FBXO28: variants seen among roughly 807,000 people sequenced by gnomAD.
FBXO28 encodes the protein F-box protein 28, also known as F-box only protein 28.
A neutral mutation model predicts 38.1 loss-of-function variants in FBXO28; 8 were observed. The ratio of observed to expected loss-of-function variants is 0.21; its 90% CI spans 0.12 to 0.38. The LOEUF is 0.38. Among genes scored for constraint, FBXO28 ranks in the 10% least tolerant of loss-of-function variants. The probability of loss-of-function intolerance (pLI) is 1.00; values close to 1 mark genes in which losing one functional copy is unlikely to be tolerated. For missense variants in FBXO28, 345 were observed against 460.6 expected (o/e 0.75, Z 2.30); for synonymous variants, 168 against 173.8 (o/e 0.97, Z 0.26).
chr1:224,143,554 G>A lies in FBXO28; in HGVS notation c.516+9342G>A, dbSNP rs1230743793. 2.0e-5 allele frequency among the ~76,000 whole-genome samples: 3 copies of A among 152,346 alleles called. No homozygotes were observed. In the East Asian group the frequency reaches 5.8e-4, roughly 29 times the overall value. Reference sequence around the variant, plus strand: ...AAAATGAATGAATAGGACGGGTGTGGTGGCTCACGCCTGTAATCCCAACAC... The same window carrying A: ...AAAATGAATGAATAGGACGGGTGTGATGGCTCACGCCTGTAATCCCAACAC... On this transcript the variant is annotated intron_variant, in intron 3 of 4. Coordinates refer to ENST00000366862, the MANE Select transcript of FBXO28 (RefSeq NM_015176.4).
At chr1:224,140,289 G>A (rs1657312575) in intron 3 of FBXO28, among the ~76,000 whole-genome samples, 1 of 152,028 alleles carries the variant, frequency 6.6e-6, no homozygotes, top group South Asian at 2.1e-4. Context: ...TCATATTCAA[G>A]TTTCATCACA....
In FBXO28 at chr1:224,160,259, ACCT is replaced by A. The variant is rs1408277699; in HGVS notation, c.*2517_*2519del. 1.3e-5 allele frequency: 2 copies of A among 152,242 alleles called. No homozygotes were observed. Among genetic ancestry groups the A allele is most frequent in the Non-Finnish European group, 2.9e-5 (2 of 68,022 alleles). 9.4% of individuals were successfully genotyped at this position (152,242 alleles called of 1,614,324 possible). On this transcript the variant is annotated 3_prime_UTR_variant, in exon 5 of 5. Transcript: ENST00000366862. ...TATGTTACAAGAAAACTGTAAATTA[ACCT>A]CCTGAGAGAACCATTCTGCCCTGCA...
chr1:224,153,748 C>T (rs1657700530), intron 4 of FBXO28, among the ~76,000 whole-genome samples: 1 of 151,724 alleles, frequency 6.6e-6, no homozygotes, highest in Non-Finnish European at 1.5e-5. Context: ...TGGTGAAACC[C>T]CGTATCTACT....
In FBXO28 at chr1:224,159,499, G is replaced by A. The variant is rs1657847088; in HGVS notation, c.*1753G>A. ...ATAAAGTAACATCCAAGTGTTTCATGGTTTGTTGGGAAGGTAATTTTAAAA... is the reference window on the plus strand; with the variant it reads ...ATAAAGTAACATCCAAGTGTTTCATAGTTTGTTGGGAAGGTAATTTTAAAA... On this transcript the variant is annotated 3_prime_UTR_variant, in exon 5 of 5. Coordinates refer to ENST00000366862, the MANE Select transcript of FBXO28 (RefSeq NM_015176.4). 6.6e-6 allele frequency: 1 copy of A among 152,526 alleles called. No homozygotes were observed. Among genetic ancestry groups the A allele is most frequent in the Non-Finnish European group, 1.5e-5 (1 of 68,030 alleles). The allele number at this position is 152,526 out of a possible 1,614,324, so 9.4% of individuals were successfully genotyped here. A position where few individuals can be genotyped will look rare whatever the true frequency, so the allele number is the denominator to read the frequency against.
At chr1:224,150,920 A>G (rs1166322523) in intron 3 of FBXO28, among the ~76,000 whole-genome samples, 2 of 152,164 alleles carry the variant, frequency 1.3e-5, no homozygotes, top group Non-Finnish European at 1.5e-5. Flanking sequence ...TTACTCCAGT[A>G]CTTTGAAAAG....
chr1:224,154,223 C>T (rs560807584), intron 4 of FBXO28, among the ~76,000 whole-genome samples: 17 of 152,324 alleles, frequency 1.1e-4, no homozygotes, highest in Non-Finnish European at 1.5e-4. Flanking sequence ...GCAAAATTAT[C>T]TAGCAAAGCC....
chr1:224,156,958 C>T (rs1164020806), intron 4 of FBXO28, among the ~76,000 whole-genome samples: 4 of 150,714 alleles, frequency 2.7e-5, no homozygotes, highest in East Asian at 3.9e-4. Flanking sequence ...GCCGAGATCA[C>T]GCCACTGCAC....
At chr1:224,151,138 G>A (rs1483040963) in intron 3 of FBXO28, among the ~76,000 whole-genome samples, 1 of 152,146 alleles carries the variant, frequency 6.6e-6, no homozygotes, top group Non-Finnish European at 1.5e-5. Flanking sequence ...TAGTAATATT[G>A]CCAGAAATAA....
chr1:224,132,694 T>G (rs1477132718), intron 2 of FBXO28, among the ~76,000 whole-genome samples: 1 of 151,532 alleles, frequency 6.6e-6, no homozygotes, highest in East Asian at 1.9e-4. Flanking sequence ...AATCCCAGCT[T>G]CTTAGGAGGC....
rs1249465383 is a variant in FBXO28 at position 224,157,572 on chromosome 1, T to C, written c.933T>C (p.Gly311=). The C allele has an allele frequency of 6.2e-7, 1 of 1,614,066 alleles. No individual in the cohort carries two copies. The highest frequency in any genetic ancestry group is 8.5e-7 in the Non-Finnish European group (1 of 1,180,020). ...TGCTAGAGCAGACCCAGATCATAGG[T>C]GAACAAAATGCACGGTTGGCAGAGC... The part of the protein sequence containing the change: ...QKLLEQTQII[G]EQNARLAELE... Residue 311 remains glycine (G), a synonymous_variant, in exon 5 of 5, where the codon GGT becomes GGC. Coordinates refer to ENST00000366862, the MANE Select transcript of FBXO28 (RefSeq NM_015176.4).
chr1:224,144,246 T>C (rs1007279957), intron 3 of FBXO28, among the ~76,000 whole-genome samples: 1 of 148,342 alleles, frequency 6.7e-6, no homozygotes, highest in Non-Finnish European at 1.5e-5. Context: ...GGAGGATCAC[T>C]TGAGACCAGG....
At chr1:224,119,784 C>T (rs1371477438) in intron 1 of FBXO28, among the ~76,000 whole-genome samples, 2 of 151,994 alleles carry the variant, frequency 1.3e-5, no homozygotes, top group East Asian at 1.9e-4. Flanking sequence ...AGAAAAAAAA[C>T]GATGTGTAAA....
At chr1:224,133,594 T>C (rs1325298720) in intron 2 of FBXO28, among the ~76,000 whole-genome samples, 1 of 152,132 alleles carries the variant, frequency 6.6e-6, no homozygotes, top group Non-Finnish European at 1.5e-5. Context: ...CTTGGTTCAC[T>C]GCAACCTCCG....
intron 3 of FBXO28, among the ~76,000 whole-genome samples, chr1:224,150,925 G>T (rs1290870725): frequency 1.3e-5 from 2 of 152,056 alleles, no homozygotes; most frequent in African/African-American, 2.4e-5. Context: ...CCAGTACTTT[G>T]AAAAGTGACA....
intron 4 of FBXO28, among the ~76,000 whole-genome samples, chr1:224,156,553 A>G (rs1657778519): frequency 6.6e-6 from 1 of 152,146 alleles, no homozygotes; most frequent in Non-Finnish European, 1.5e-5. Context: ...CCCACATTCC[A>G]AAATGCTCCA....
In FBXO28 at chr1:224,139,511, A is replaced by G. The variant is rs530839487; in HGVS notation, c.516+5299A>G. ...GTAATCCCAGCACTTTGGGAGGCCA[A>G]GGCGGGCAGATCACAAGATCGAGAG... On this transcript the variant is annotated intron_variant, in intron 3 of 4. Transcript: ENST00000366862. 2.3e-3 allele frequency among the ~76,000 whole-genome samples: 344 copies of G among 151,900 alleles called. 6 individuals carry two copies. Among genetic ancestry groups the G allele is most frequent in the African/African-American group, 7.9e-3 (324 of 41,186 alleles).
In FBXO28 at chr1:224,160,094, T is replaced by C. The variant is rs531224400; in HGVS notation, c.*2348T>C. 6.6e-6 allele frequency: 1 copy of C among 152,302 alleles called. No individual in the cohort carries two copies. Among genetic ancestry groups the C allele is most frequent in the South Asian group, 2.1e-4 (1 of 4,824 alleles). 9.4% of individuals were successfully genotyped at this position (152,302 alleles called of 1,614,324 possible). A position where few individuals can be genotyped will look rare whatever the true frequency, so the allele number is the denominator to read the frequency against. ...TGTTCAAATCTTAAATCTTAGGCTATTTAGCTAAAACATGTTAGGATATTG... is the reference window on the plus strand; with the variant it reads ...TGTTCAAATCTTAAATCTTAGGCTACTTAGCTAAAACATGTTAGGATATTG... On this transcript the variant is annotated 3_prime_UTR_variant, in exon 5 of 5. Coordinates refer to ENST00000366862, the MANE Select transcript of FBXO28 (RefSeq NM_015176.4).
In FBXO28 at chr1:224,114,343, A is replaced by G; in HGVS notation, c.214A>G (p.Ile72Val). The change falls in exon 1 of 5, where the codon ATC becomes GTC. Residue 72 changes from isoleucine to valine, a missense_variant. Transcript: ENST00000366862. ...GCTTGTGGCGCTGCCCATCGTAGCC[A>G]TCGAGAACATCCTCAGCTTTATGTC... ...NTLVALPIVA[I>V]ENILSFMSYD... 4 of 1,597,376 alleles carry G rather than the reference A, an allele frequency of 2.5e-6. No homozygotes were observed. Among genetic ancestry groups the G allele is most frequent in the Non-Finnish European group, 3.4e-6 (4 of 1,172,044 alleles).
chr1:224,148,123 CTG>C (rs1657554629), intron 3 of FBXO28, among the ~76,000 whole-genome samples: 1 of 152,048 alleles, frequency 6.6e-6, no homozygotes, highest in Non-Finnish European at 1.5e-5. Context: ...TAATGGAAGA[CTG>C]GGGCAAATGG....
Sources: allele counts gnomAD v4.1 joint callset (sites outside exome capture counted in the v4.1 genomes callset), GRCh38; gene constraint gnomAD v4.1.1; transcripts MANE v1.5; gene names NCBI Gene and HGNC (gene_info 2026-07-23, HGNC 2026-07-21).